Variants in ZFAND6 observed in about 807,000 individuals in gnomAD.
The protein encoded by ZFAND6 is AN1-type zinc finger protein 6.
In ZFAND6, 12 loss-of-function variants were observed where a neutral mutation model predicts 24.5. That is an observed-to-expected ratio of 0.49 (90% CI 0.31 to 0.79). The LOEUF (loss-of-function observed/expected upper bound fraction) is 0.79, where lower values mean the gene tolerates loss of function less well. Among genes scored for constraint, ZFAND6 ranks in the 30% least tolerant of loss-of-function variants. ZFAND6 has a pLI of 0.04. For missense variants in ZFAND6, 207 were observed against 245.9 expected, an observed-to-expected ratio of 0.84 and a Z score of 1.06; for synonymous variants, 92 against 81.5, an observed-to-expected ratio of 1.13 and a Z score of -0.69.
chr15:80,082,325 C>G (rs1468966103), intron 1 of ZFAND6, among the ~76,000 whole-genome samples: 1 of 152,166 alleles, frequency 6.6e-6, no homozygotes, highest in Non-Finnish European at 1.5e-5. Flanking sequence ...ATTGTTGTGC[C>G]TATTTCGCAG....
At chr15:80,126,664 C>T (rs148208926) in intron 5 of ZFAND6, among the ~76,000 whole-genome samples, 73 of 152,216 alleles carry the variant, frequency 4.8e-4, no homozygotes, top group African/African-American at 1.6e-3. Context: ...AGACCTAAAA[C>T]GAATATAAGA....
At chr15:80,126,876 G>A (rs1040501596) in intron 5 of ZFAND6, among the ~76,000 whole-genome samples, 1 of 152,164 alleles carries the variant, frequency 6.6e-6, no homozygotes, top group African/African-American at 2.4e-5. Flanking sequence ...ACTTTGGGAG[G>A]CCAAGGTGGG....
chr15:80,111,625 A>G, intron 2 of ZFAND6: 1 of 370,442 alleles, frequency 2.7e-6, no homozygotes, highest in Non-Finnish European at 5.4e-6. Flanking sequence ...ATATATTGCT[A>G]TAAGGAAATT....
intron 1 of ZFAND6, among the ~76,000 whole-genome samples, chr15:80,061,451 C>T (rs528925435): frequency 1.3e-5 from 2 of 152,096 alleles, no homozygotes; most frequent in Non-Finnish European, 2.9e-5. Context: ...ATGACTCCCC[C>T]CAAACCCAAA....
intron 1 of ZFAND6, chr15:80,060,331 A>C (rs950396525): frequency 2.0e-5 from 3 of 152,086 alleles, no homozygotes; most frequent in African/African-American, 7.2e-5. Context: ...CCTGACTGGC[A>C]CCGGGAAGGG....
At chr15:80,120,289 A>G in intron 2 of ZFAND6, 39 bp from the exon 3 acceptor site, 1 of 1,410,438 alleles carries the variant, frequency 7.1e-7, no homozygotes, top group Non-Finnish European at 9.4e-7. Flanking sequence ...ATTGGAAGTT[A>G]CGTGTCTGAG....
rs776272689 is a variant in ZFAND6, at chr15:80,131,169, A to G, written c.365-11A>G. ...AATAATTAAATTTTGCCACCTTCGTATTTTTGTTAGCTTCAGTATCAGACA... is the reference window on the plus strand; with the variant it reads ...AATAATTAAATTTTGCCACCTTCGTGTTTTTGTTAGCTTCAGTATCAGACA... On this transcript the variant is annotated splice_polypyrimidine_tract_variant and intron_variant, in intron 5 of 6. Coordinates refer to ENST00000261749, the MANE Select transcript of ZFAND6 (RefSeq NM_019006.4). 6 of 1,532,604 alleles carry G rather than the reference A, an allele frequency of 3.9e-6. No homozygotes were observed. The African/African-American group carries it at 4.1e-5, about 11-fold the overall frequency. The allele number at this position is 1,532,604 out of a possible 1,614,324, so 94.9% of individuals were successfully genotyped here. A position where few individuals can be genotyped will look rare whatever the true frequency, so the allele number is the denominator to read the frequency against.
chr15:80,127,464 T>G (rs1057442606), intron 5 of ZFAND6, among the ~76,000 whole-genome samples: 6 of 151,948 alleles, frequency 3.9e-5, no homozygotes, highest in Non-Finnish European at 8.8e-5. Flanking sequence ...GTCATGCGCC[T>G]GTAGTCTCAG....
chr15:80,099,230 AATCTATGGTAGGGT>A (rs2141935096), intron 2 of ZFAND6, among the ~76,000 whole-genome samples: 1 of 152,232 alleles, frequency 6.6e-6, no homozygotes, highest in Admixed American at 6.5e-5. Flanking sequence ...ACACCTTAAG[AATCTATGGTAGGGT>A]GGTGTCTGGT....
chr15:80,093,553 T>G (rs142362984), intron 1 of ZFAND6, among the ~76,000 whole-genome samples: 1,598 of 151,932 alleles, frequency 0.011, 12 homozygotes, highest in Non-Finnish European at 0.017. Context: ...ATGGTGAAAC[T>G]CCGTCTCTAC....
chr15:80,063,469 G>A lies in ZFAND6; in HGVS notation c.-181+3660G>A, dbSNP rs147908766. On this transcript the variant is annotated intron_variant, in intron 1 of 6. Coordinates refer to ENST00000261749, the MANE Select transcript of ZFAND6 (RefSeq NM_019006.4). ...TGCAACGGTGCGATCTCAGCTCACCGCAACCTCTGTCTCCTAGGTTGAAGT... is the reference window on the plus strand; with the variant it reads ...TGCAACGGTGCGATCTCAGCTCACCACAACCTCTGTCTCCTAGGTTGAAGT... Among the ~76,000 whole-genome samples the A allele has an allele frequency of 4.0e-3, 615 of 151,982 alleles. 5 individuals are homozygous for A. The highest frequency in any genetic ancestry group is 0.014 in the African/African-American group (570 of 41,454).
At chr15:80,085,305 A>C (rs773430975) in intron 1 of ZFAND6, among the ~76,000 whole-genome samples, 2 of 152,144 alleles carry the variant, frequency 1.3e-5, no homozygotes, top group African/African-American at 2.4e-5. Context: ...GAATGCTGGG[A>C]TTTGGGTCTG....
chr15:80,131,347 T>C (rs751938778), intron 6 of ZFAND6, 54 bp downstream of exon 6: 1 of 1,446,928 alleles, frequency 6.9e-7, no homozygotes, highest in Non-Finnish European at 9.6e-7. Flanking sequence ...TAATAATGCA[T>C]AGCTTACTGT....
At chr15:80,070,778 T>G (rs1448376471) in intron 1 of ZFAND6, among the ~76,000 whole-genome samples, 5 of 152,272 alleles carry the variant, frequency 3.3e-5, no homozygotes, top group Non-Finnish European at 7.3e-5. Flanking sequence ...TTGCCAGATT[T>G]TAAGATTAAA....
chr15:80,084,025 T>C lies in ZFAND6; in HGVS notation c.-180-14391T>C, dbSNP rs536499759. ...ACCCTGAGAGGATTTAAATATCCTC[T>C]TAGGCAGTAAAGTGGCATGGGTTCA... On this transcript the variant is annotated intron_variant, in intron 1 of 6. Coordinates refer to ENST00000261749, the MANE Select transcript of ZFAND6 (RefSeq NM_019006.4). 4.6e-5 allele frequency among the ~76,000 whole-genome samples: 7 copies of C among 152,306 alleles called. No individual in the cohort carries two copies. In the South Asian group the frequency reaches 1.4e-3, roughly 32 times the overall value.
intron 5 of ZFAND6, among the ~76,000 whole-genome samples, chr15:80,126,973 G>A (rs1056860110): frequency 5.9e-5 from 9 of 151,924 alleles, no homozygotes; most frequent in Middle Eastern, 3.2e-3. Flanking sequence ...GTGTGGTGGC[G>A]CACGCTTGTA....
At chr15:80,106,394 A>G (rs187097464) in intron 2 of ZFAND6, among the ~76,000 whole-genome samples, 136 of 152,126 alleles carry the variant, frequency 8.9e-4, no homozygotes, top group African/African-American at 3.1e-3. Flanking sequence ...ATTCCTATTC[A>G]TTTACTTATT....
At chr15:80,063,784 C>T (rs2036464481) in intron 1 of ZFAND6, among the ~76,000 whole-genome samples, 1 of 152,156 alleles carries the variant, frequency 6.6e-6, no homozygotes, top group South Asian at 2.1e-4. Context: ...CTCCTGACCT[C>T]AGGTGATCCA....
intron 5 of ZFAND6, among the ~76,000 whole-genome samples, chr15:80,126,553 T>A (rs1401890370): frequency 2.0e-5 from 3 of 152,180 alleles, no homozygotes; most frequent in Non-Finnish European, 4.4e-5. Flanking sequence ...AGAGTAATCT[T>A]TTAAACAAAT....
Sources: gnomAD v4.1 joint callset for allele counts (sites outside exome capture counted in the v4.1 genomes callset) on GRCh38, gnomAD v4.1.1 for gene constraint, MANE v1.5 for transcripts, NCBI Gene and HGNC (gene_info 2026-07-23, HGNC 2026-07-21) for gene names.